The following ELOVL5 variants were observed in gnomAD, a reference collection of about 807,000 sequenced individuals.
ELOVL5 encodes very long chain fatty acid elongase 5.
Under a neutral mutation model 38.6 loss-of-function variants are expected in ELOVL5, and 8 were observed. That is an observed-to-expected ratio of 0.21 (90% CI 0.12 to 0.37). The LOEUF (loss-of-function observed/expected upper bound fraction) is 0.37, where lower values mean the gene tolerates loss of function less well. Ranked by LOEUF, ELOVL5 falls within the 10% of genes least tolerant of loss-of-function variation. The pLI, the probability that ELOVL5 is intolerant of heterozygous loss-of-function variation, is 1.00. For missense variants in ELOVL5, 280 were observed against 367.8 expected, an observed-to-expected ratio of 0.76 and a Z score of 1.95; for synonymous variants, 127 against 133.7, an observed-to-expected ratio of 0.95 and a Z score of 0.34.
At chr6:53,283,955 A>C (rs1400228159) in intron 3 of ELOVL5, among the ~76,000 whole-genome samples, 1 of 152,184 alleles carries the variant, frequency 6.6e-6, no homozygotes, top group Non-Finnish European at 1.5e-5. Flanking sequence ...TTCACAGAGC[A>C]AAGAAAATCA....
intron 1 of ELOVL5, among the ~76,000 whole-genome samples, chr6:53,338,900 C>G (rs1305531841): frequency 6.6e-6 from 1 of 152,124 alleles, no homozygotes; most frequent in Non-Finnish European, 1.5e-5. Flanking sequence ...ATACCTTAAG[C>G]TGAAATTAAA....
At chr6:53,304,836 A>C (rs191695313) in intron 1 of ELOVL5, among the ~76,000 whole-genome samples, 296 of 128,500 alleles carry the variant, frequency 2.3e-3, no homozygotes, top group Non-Finnish European at 3.8e-3. Context: ...CTTTCTACAC[A>C]GCACAGCAAC....
Position 53,268,960 on chromosome 6 carries a change from A to T in ELOVL5, c.*167T>A, listed in dbSNP as rs1375993545. On this transcript the variant is annotated 3_prime_UTR_variant, in exon 8 of 8. Coordinates refer to ENST00000304434, the MANE Select transcript of ELOVL5 (RefSeq NM_021814.5). Reference sequence around the variant, plus strand: ...TTAGAAATCTTATCCCTACTTATATAATCTGTATACGTTTTCTAGGGGTTT... The same window carrying T: ...TTAGAAATCTTATCCCTACTTATATTATCTGTATACGTTTTCTAGGGGTTT... 1.4e-6 allele frequency: 1 copy of T among 714,606 alleles called. No homozygotes were observed. 44.3% of individuals were successfully genotyped at this position (714,606 alleles called of 1,614,324 possible).
At chr6:53,332,178 C>T (rs941155274) in intron 1 of ELOVL5, among the ~76,000 whole-genome samples, 23 of 152,168 alleles carry the variant, frequency 1.5e-4, no homozygotes, top group Non-Finnish European at 3.1e-4. Context: ...GGGACAAACA[C>T]CCAAACTACA....
chr6:53,348,329 G>C (rs944535050), intron 1 of ELOVL5, among the ~76,000 whole-genome samples: 1 of 151,322 alleles, frequency 6.6e-6, no homozygotes, highest in Admixed American at 6.6e-5. Flanking sequence ...GCAGACCCTC[G>C]CACAGGCTCT....
chr6:53,314,495 GA>G (rs1767956997), intron 1 of ELOVL5, among the ~76,000 whole-genome samples: 1 of 152,120 alleles, frequency 6.6e-6, no homozygotes, highest in Admixed American at 6.6e-5. Flanking sequence ...AAAATTTTAG[GA>G]AAAGAACTGA....
chr6:53,274,432 C>T (rs554360733), intron 5 of ELOVL5, among the ~76,000 whole-genome samples: 1 of 152,202 alleles, frequency 6.6e-6, no homozygotes, highest in Admixed American at 6.5e-5. Context: ...TAAATAGACC[C>T]ATAGGTTCTC....
chr6:53,274,098 T>C (rs951859479), intron 5 of ELOVL5, among the ~76,000 whole-genome samples: 3 of 152,196 alleles, frequency 2.0e-5, no homozygotes, highest in African/African-American at 7.2e-5. Flanking sequence ...CCTGGTTCAG[T>C]TTCTCATGGC....
intron 1 of ELOVL5, among the ~76,000 whole-genome samples, chr6:53,323,811 G>C (rs995565977): frequency 6.6e-6 from 1 of 151,998 alleles, no homozygotes; most frequent in Non-Finnish European, 1.5e-5. Context: ...TCGAACTCCC[G>C]ACCATCTGAC....
chr6:53,302,257 C>T (rs1193816449), intron 1 of ELOVL5, among the ~76,000 whole-genome samples: 3 of 152,178 alleles, frequency 2.0e-5, no homozygotes, highest in African/African-American at 4.8e-5. Context: ...AGGTGAATCA[C>T]GTGTGGGAGG....
intron 1 of ELOVL5, among the ~76,000 whole-genome samples, chr6:53,297,825 T>A (rs553660377): frequency 6.6e-6 from 1 of 152,300 alleles, no homozygotes; most frequent in South Asian, 2.1e-4. Context: ...AAGGCAATTT[T>A]GGTCCTAAGC....
chr6:53,298,583 A>G (rs1314131453), intron 1 of ELOVL5, among the ~76,000 whole-genome samples: 3 of 152,144 alleles, frequency 2.0e-5, no homozygotes, highest in Non-Finnish European at 4.4e-5. Flanking sequence ...AAATAAGGTA[A>G]TATAAATAAG....
rs1472627870 is a variant in ELOVL5, at chr6:53,273,205, G to A, written c.621+15C>T. On this transcript the variant is annotated intron_variant, in intron 6 of 7. Transcript: ENST00000304434. Reference sequence around the variant, plus strand: ...CCAGGAAGTAAGTCCTGGGGAAAGAGGCCAAGTCACTCACCAGCTGCCCCT... The same window carrying A: ...CCAGGAAGTAAGTCCTGGGGAAAGAAGCCAAGTCACTCACCAGCTGCCCCT... The A allele has an allele frequency of 6.2e-7, 1 of 1,613,278 alleles. No homozygotes were observed. Among genetic ancestry groups the A allele is most frequent in the Admixed American group, 1.7e-5 (1 of 59,964 alleles).
intron 1 of ELOVL5, among the ~76,000 whole-genome samples, chr6:53,320,402 T>C (rs1768252626): frequency 6.6e-6 from 1 of 151,982 alleles, no homozygotes; most frequent in African/African-American, 2.4e-5. Context: ...AGTGGCGCGA[T>C]CTCGGCTCAC....
chr6:53,281,345 T>A (rs1038527394), intron 3 of ELOVL5, among the ~76,000 whole-genome samples: 1 of 152,208 alleles, frequency 6.6e-6, no homozygotes. Context: ...TGTTTCTGTG[T>A]GAGTCCTCAA....
intron 1 of ELOVL5, among the ~76,000 whole-genome samples, chr6:53,316,307 A>G (rs1768036822): frequency 6.6e-6 from 1 of 152,204 alleles, no homozygotes; most frequent in Non-Finnish European, 1.5e-5. Flanking sequence ...TCTATGTGCC[A>G]TGACAAGGTA....
At chr6:53,305,588 C>A (rs1337166192) in intron 1 of ELOVL5, among the ~76,000 whole-genome samples, 1 of 149,448 alleles carries the variant, frequency 6.7e-6, no homozygotes, top group Non-Finnish European at 1.5e-5. Flanking sequence ...CGAGGCGCTC[C>A]CCACATCTCA....
chr6:53,320,548 C>T (rs1768262043), intron 1 of ELOVL5, among the ~76,000 whole-genome samples: 1 of 151,966 alleles, frequency 6.6e-6, no homozygotes, highest in African/African-American at 2.4e-5. Flanking sequence ...TGGTCTCGAT[C>T]TCCTGACCTC....
intron 2 of ELOVL5, among the ~76,000 whole-genome samples, chr6:53,294,946 C>T (rs1015791184): frequency 1.3e-5 from 2 of 152,226 alleles, no homozygotes; most frequent in Non-Finnish European, 2.9e-5. Flanking sequence ...TCTTTCTCCA[C>T]GCCTTCACTA....
Sources: allele counts gnomAD v4.1 joint callset (sites outside exome capture counted in the v4.1 genomes callset), GRCh38; gene constraint gnomAD v4.1.1; transcripts MANE v1.5; gene names NCBI Gene and HGNC (gene_info 2026-07-23, HGNC 2026-07-21).